Variants in LCP2 observed in about 807,000 individuals in gnomAD.
LCP2 encodes the protein lymphocyte cytosolic protein 2.
LCP2 carries 29 observed loss-of-function variants against 74.5 expected under a neutral mutation model. The ratio of observed to expected loss-of-function variants is 0.39; its 90% CI spans 0.29 to 0.53. The LOEUF (loss-of-function observed/expected upper bound fraction) is 0.53. Among genes scored for constraint, LCP2 ranks in the 20% least tolerant of loss-of-function variants. The probability of loss-of-function intolerance (pLI) is 0.72; values close to 1 mark genes in which losing one functional copy is unlikely to be tolerated. For synonymous variants in LCP2, 228 were observed against 229.5 expected (o/e 0.99, Z 0.06); for missense variants, 604 against 634.6 (o/e 0.95, Z 0.52).
chr5:170,262,888 A>G, intron 11 of LCP2, 27 bp from the exon 12 acceptor site: 2 of 1,614,034 alleles, frequency 1.2e-6, no homozygotes, highest in Admixed American at 1.7e-5. Context: ...AAAATGTATG[A>G]GTGTCCAAGC....
rs140857758 is a variant in LCP2 at position 170,279,777 on chromosome 5, A to T, written c.189-3917T>A. Among the ~76,000 whole-genome samples, 1,332 of 152,348 alleles carry T rather than the reference A, an allele frequency of 8.7e-3. 30 individuals are homozygous for T. The highest frequency in any genetic ancestry group is 0.03 in the African/African-American group (1,243 of 41,570). On this transcript the variant is annotated intron_variant, in intron 3 of 20. Coordinates refer to ENST00000046794, the MANE Select transcript of LCP2 (RefSeq NM_005565.5). ...GAAGGAACTTTGTGATTATGAAGGGAGTGAAACAGGAGAGTGGGGGTATGC... is the reference window on the plus strand; with the variant it reads ...GAAGGAACTTTGTGATTATGAAGGGTGTGAAACAGGAGAGTGGGGGTATGC...
At chr5:170,278,845 C>T (rs1395096263) in intron 3 of LCP2, among the ~76,000 whole-genome samples, 1 of 152,160 alleles carries the variant, frequency 6.6e-6, no homozygotes, top group African/African-American at 2.4e-5. Context: ...AGAACAGGTC[C>T]TGGCAGTTGG....
intron 8 of LCP2, among the ~76,000 whole-genome samples, chr5:170,267,965 CGAA>C (rs1761798989): frequency 6.6e-6 from 1 of 152,104 alleles, no homozygotes; most frequent in South Asian, 2.1e-4. Flanking sequence ...GCTGTATGCT[CGAA>C]GAAGGAGAAA....
chr5:170,249,952 C>T (rs1429992498), intron 20 of LCP2, among the ~76,000 whole-genome samples: 3 of 152,192 alleles, frequency 2.0e-5, no homozygotes, highest in Admixed American at 2.0e-4. Context: ...GTCTGTGCAG[C>T]TCTATCCACT....
chr5:170,248,922 A>G, intron 20 of LCP2, 103 bp from the exon 21 acceptor site: 2 of 1,184,908 alleles, frequency 1.7e-6, no homozygotes, highest in Non-Finnish European at 2.4e-6. Context: ...TCTTCAAGTG[A>G]TGAGGATTGT....
At chr5:170,267,103 C>T (rs557764535) in intron 8 of LCP2, 28 bp from the exon 9 acceptor site, 1 of 1,611,102 alleles carries the variant, frequency 6.2e-7, no homozygotes, top group South Asian at 1.1e-5. Context: ...CGTTAGGAAG[C>T]ACTTCCAATA....
chr5:170,287,681 T>C (rs1762206220), intron 3 of LCP2: 1 of 457,460 alleles, frequency 2.2e-6, no homozygotes, highest in Non-Finnish European at 4.0e-6. Flanking sequence ...GATGCTATTT[T>C]CACAGGCCCA....
chr5:170,296,246 C>A (rs547099397), intron 1 of LCP2, among the ~76,000 whole-genome samples: 2 of 152,138 alleles, frequency 1.3e-5, no homozygotes, highest in African/African-American at 2.4e-5. Context: ...TTGCTGAAAT[C>A]TAAGTTTATT....
intron 3 of LCP2, among the ~76,000 whole-genome samples, chr5:170,278,476 CT>C (rs1762047535): frequency 2.3e-4 from 2 of 8,786 alleles, no homozygotes; most frequent in Non-Finnish European, 4.4e-4. Context: ...GGGTGGGGGG[CT>C]GGTGAGGGGG....
rs1761315813 is a variant in LCP2, at chr5:170,247,071, A to T, written c.*1626T>A. 1 of 152,216 alleles carries T rather than the reference A, an allele frequency of 6.6e-6. No homozygotes were observed. The highest frequency in any genetic ancestry group is 1.5e-5 in the Non-Finnish European group (1 of 68,034). 9.4% of individuals were successfully genotyped at this position (152,216 alleles called of 1,614,324 possible). On this transcript the variant is annotated 3_prime_UTR_variant, in exon 21 of 21. Transcript: ENST00000046794. ...AGATATTTTTGAATTGTAAAGATAGAATACGGCAAAGCAAGACAAGTGGAG... is the reference window on the plus strand; with the variant it reads ...AGATATTTTTGAATTGTAAAGATAGTATACGGCAAAGCAAGACAAGTGGAG...
At chr5:170,283,647 T>C (rs1762138748) in intron 3 of LCP2, among the ~76,000 whole-genome samples, 1 of 152,116 alleles carries the variant, frequency 6.6e-6, no homozygotes, top group Admixed American at 6.5e-5. Context: ...ACTCTCTGGC[T>C]CCTGAGAATG....
chr5:170,275,962 G>T, intron 3 of LCP2, 102 bp from the exon 4 acceptor site: 1 of 1,007,852 alleles, frequency 9.9e-7, no homozygotes. Flanking sequence ...TGGGGCACCA[G>T]GGCCAACTTT....
chr5:170,259,400 C>A (rs1432990504), intron 14 of LCP2, among the ~76,000 whole-genome samples: 2 of 152,174 alleles, frequency 1.3e-5, no homozygotes, highest in Non-Finnish European at 2.9e-5. Flanking sequence ...TCAATAAGAC[C>A]ATATTTATAC....
In LCP2 at chr5:170,248,640, T is replaced by G. The variant is rs926064203; in HGVS notation, c.*57A>C. On this transcript the variant is annotated 3_prime_UTR_variant, in exon 21 of 21. Coordinates refer to ENST00000046794, the MANE Select transcript of LCP2 (RefSeq NM_005565.5). ...TGTTTGTCCATTGACCAAGGCTGAT[T>G]GATCTCGTGTTGGCAACAGAGGCAG... The G allele has an allele frequency of 1.2e-6, 2 of 1,601,778 alleles. No individual in the cohort carries two copies. The highest frequency in any genetic ancestry group is 1.7e-5 in the Admixed American group (1 of 58,930).
rs746723456 is a variant in LCP2 at position 170,293,331 on chromosome 5, G to A, written c.120C>T (p.His40=). The A allele has an allele frequency of 4.4e-6, 7 of 1,607,570 alleles. No homozygotes were observed. Among genetic ancestry groups the A allele is most frequent in the Non-Finnish European group, 5.9e-6 (7 of 1,176,958 alleles). Reference sequence around the variant, plus strand: ...TTACCAAGAAGCGAGCCCCATCGATGTGGTACTTCTTCACTGCCTTCTCAC... The same window carrying A: ...TTACCAAGAAGCGAGCCCCATCGATATGGTACTTCTTCACTGCCTTCTCAC... ...KDCEKAVKKY[H]IDGARFLNLT... The change falls in exon 2 of 21, where the codon CAC becomes CAT. Residue 40 remains histidine, a synonymous_variant. Coordinates refer to ENST00000046794, the MANE Select transcript of LCP2 (RefSeq NM_005565.5).
chr5:170,279,652 C>T (rs1373786127), intron 3 of LCP2, among the ~76,000 whole-genome samples: 1 of 152,182 alleles, frequency 6.6e-6, no homozygotes, highest in Admixed American at 6.5e-5. Flanking sequence ...TTTTTATTAT[C>T]ATCCAAAAAG....
chr5:170,267,089 C>T lies in LCP2; in HGVS notation c.622-14G>A. 1 of 1,613,428 alleles carries T rather than the reference C, an allele frequency of 6.2e-7. No homozygotes were observed. The highest frequency in any genetic ancestry group is 8.5e-7 in the Non-Finnish European group (1 of 1,179,822). On this transcript the variant is annotated splice_polypyrimidine_tract_variant and intron_variant, in intron 8 of 20. Coordinates refer to ENST00000046794, the MANE Select transcript of LCP2 (RefSeq NM_005565.5). ...TGGGGGCAGTGGCTGCATAAAGATC[C>T]AAACGTTAGGAAGCACTTCCAATAC...
At chr5:170,284,114 A>C (rs188790605) in intron 3 of LCP2, among the ~76,000 whole-genome samples, 1 of 152,362 alleles carries the variant, frequency 6.6e-6, no homozygotes, top group East Asian at 1.9e-4. Context: ...AGTTCATTAA[A>C]TGAATAAAGT....
intron 17 of LCP2, among the ~76,000 whole-genome samples, chr5:170,254,550 T>G (rs1285595419): frequency 6.6e-6 from 1 of 152,236 alleles, no homozygotes; most frequent in East Asian, 1.9e-4. Flanking sequence ...GCCAGTGCCT[T>G]CCTTCTCCAA....
Sources: gnomAD v4.1 joint callset for allele counts (sites outside exome capture counted in the v4.1 genomes callset) on GRCh38, gnomAD v4.1.1 for gene constraint, MANE v1.5 for transcripts, NCBI Gene and HGNC (gene_info 2026-07-23, HGNC 2026-07-21) for gene names.